Variants in RANBP17 observed in about 807,000 individuals in gnomAD.
RANBP17 encodes the protein ran-binding protein 17.
Under a neutral mutation model 141.2 loss-of-function variants are expected in RANBP17, and 158 were observed. That is an observed-to-expected ratio of 1.12 (90% confidence interval 0.98 to 1.28). The LOEUF is 1.28. Ranked by LOEUF, RANBP17 falls within the 50% of genes most tolerant of loss-of-function variation. The pLI is 0.00. For synonymous variants in RANBP17, 430 were observed against 450.0 expected (o/e 0.96, Z 0.56); for missense variants, 1,438 against 1,290.7 (o/e 1.11, Z -1.75).
chr5:171,088,039 G>C (rs1362686051), intron 14 of RANBP17, among the ~76,000 whole-genome samples: 4 of 151,468 alleles, frequency 2.6e-5, no homozygotes, highest in Non-Finnish European at 4.4e-5. Context: ...CTCGTTAGTT[G>C]ATGCAGTTTC....
At chr5:171,207,311 A>G (rs1287370378) in intron 20 of RANBP17, 1 of 152,240 alleles carries the variant, frequency 6.6e-6, no homozygotes, top group African/African-American at 2.4e-5. Flanking sequence ...CAACAGTTTC[A>G]ACCAAGAGTC....
chr5:171,034,668 A>T (rs541108507), intron 14 of RANBP17, among the ~76,000 whole-genome samples: 1 of 152,366 alleles, frequency 6.6e-6, no homozygotes, highest in East Asian at 1.9e-4. Flanking sequence ...TTAAAAACAG[A>T]TGCAGTGCAA....
At chr5:171,042,374 C>G (rs767829880) in intron 14 of RANBP17, among the ~76,000 whole-genome samples, 5 of 152,018 alleles carry the variant, frequency 3.3e-5, no homozygotes, top group Non-Finnish European at 5.9e-5. Flanking sequence ...TTTTTCAACT[C>G]CATGTAATCC....
intron 14 of RANBP17, among the ~76,000 whole-genome samples, chr5:171,000,181 T>G (rs1779105038): frequency 6.6e-6 from 1 of 152,204 alleles, no homozygotes; most frequent in South Asian, 2.1e-4. Context: ...TTAGCTATCA[T>G]GAATAATGCT....
In RANBP17 at chr5:171,084,520, C is replaced by T. The variant is rs1328333668; in HGVS notation, c.1711-85610C>T. 8.3e-5 allele frequency among the ~76,000 whole-genome samples: 5 copies of T among 60,102 alleles called. 2 individuals are homozygous for T. The highest frequency in any genetic ancestry group is 2.5e-4 in the African/African-American group (5 of 19,626). 39.4% of individuals were successfully genotyped at this position (60,102 alleles called of 152,430 possible). On this transcript the variant is annotated intron_variant, in intron 14 of 27. Transcript: ENST00000523189. ...TCAAATGATATTTCTAGTTCTAGAT[C>T]CCTGAGGAATCGCCACACTGACTTG...
rs140270351 is a variant in RANBP17, at chr5:171,178,049, C to G, written c.1866-5118C>G. Among the ~76,000 whole-genome samples the G allele has an allele frequency of 7.6e-3, 1,121 of 147,620 alleles. 11 individuals are homozygous for G. Among genetic ancestry groups the G allele is most frequent in the African/African-American group, 0.026 (1,060 of 40,004 alleles). ...TTTTTTTTTTGTTATACTTTAAGTT[C>G]TGGGATACATGTGCAGAATATGGAG... is the stretch of plus-strand genomic sequence containing the variant. On this transcript the variant is annotated intron_variant, in intron 16 of 27. Transcript: ENST00000523189.
intron 12 of RANBP17, among the ~76,000 whole-genome samples, chr5:170,951,603 A>G (rs967911952): frequency 6.6e-6 from 1 of 152,108 alleles, no homozygotes; most frequent in Non-Finnish European, 1.5e-5. Flanking sequence ...TGGGGGTAGG[A>G]TGCAGAATGA....
chr5:171,296,075 A>T, intron 27 of RANBP17, 61 bp downstream of exon 27: 1 of 1,553,880 alleles, frequency 6.4e-7, no homozygotes, highest in East Asian at 2.3e-5. Context: ...TGTTGAAAAT[A>T]ACTCTCTCGT....
intron 19 of RANBP17, among the ~76,000 whole-genome samples, chr5:171,204,863 A>T (rs1762482809): frequency 6.6e-6 from 1 of 152,210 alleles, no homozygotes; most frequent in Admixed American, 6.5e-5. Flanking sequence ...GAAATGCATT[A>T]TTAGCCCCTT....
intron 14 of RANBP17, among the ~76,000 whole-genome samples, chr5:171,075,617 G>A (rs373698996): frequency 1.3e-5 from 2 of 152,232 alleles, no homozygotes; most frequent in East Asian, 1.9e-4. Flanking sequence ...ATTGATTGTG[G>A]TGACAGTTGC....
chr5:171,062,652 C>T (rs1783975657), intron 14 of RANBP17, among the ~76,000 whole-genome samples: 1 of 152,104 alleles, frequency 6.6e-6, no homozygotes, highest in Admixed American at 6.6e-5. Context: ...AGTTGCTCTT[C>T]TCGAGGGGTA....
rs70982310 is a variant in RANBP17, at chr5:170,869,323, C to CTTT, written c.18+7288_18+7290dup. Among the ~76,000 whole-genome samples the CTTT allele has an allele frequency of 1.8e-4, 22 of 125,462 alleles. 1 individual carries two copies. The highest frequency in any genetic ancestry group is 2.5e-4 in the South Asian group (1 of 3,980). The allele number at this position is 125,462 out of a possible 152,430, so 82.3% of individuals were successfully genotyped here. A position where few individuals can be genotyped will look rare whatever the true frequency, so the allele number is the denominator to read the frequency against. ...TATTACTTTTCTAGGGCTCACAACACTTTTTTTTTTTTTTTTTTGAGTTGG... is the reference window on the plus strand; with the variant it reads ...TATTACTTTTCTAGGGCTCACAACACTTTTTTTTTTTTTTTTTTTTTGAGTTGG... On this transcript the variant is annotated intron_variant, in intron 1 of 27. Coordinates refer to ENST00000523189, the MANE Select transcript of RANBP17 (RefSeq NM_022897.5).
chr5:171,222,218 T>C (rs1763609199), intron 22 of RANBP17, among the ~76,000 whole-genome samples: 1 of 152,230 alleles, frequency 6.6e-6, no homozygotes, highest in East Asian at 1.9e-4. Context: ...TGGGAAAATA[T>C]CCTTGTAAAG....
chr5:170,904,727 T>C (rs1421962660), intron 5 of RANBP17, among the ~76,000 whole-genome samples: 1 of 152,194 alleles, frequency 6.6e-6, no homozygotes, highest in Non-Finnish European at 1.5e-5. Context: ...TTCAGTATTA[T>C]GTTGTATTTA....
intron 14 of RANBP17, among the ~76,000 whole-genome samples, chr5:171,006,858 G>C (rs1414753062): frequency 6.6e-6 from 1 of 152,014 alleles, no homozygotes; most frequent in Admixed American, 6.6e-5. Flanking sequence ...TCGTCTTTAC[G>C]TTGGGTATTT....
rs951443593 is a variant in RANBP17, at chr5:171,082,381, A to C, written c.1711-87749A>C. 2.6e-5 allele frequency among the ~76,000 whole-genome samples: 4 copies of C among 152,178 alleles called. No individual in the cohort carries two copies. In the South Asian group the frequency reaches 6.2e-4, roughly 24 times the overall value. ...TATTTGATAAAAGAGCCAGTTGATC[A>C]GTTCGAATAGGTAATTAACTGCTAA... On this transcript the variant is annotated intron_variant, in intron 14 of 27. Transcript: ENST00000523189.
chr5:170,928,602 A>G (rs766616103), intron 12 of RANBP17, among the ~76,000 whole-genome samples: 2 of 152,046 alleles, frequency 1.3e-5, no homozygotes, highest in South Asian at 2.1e-4. Flanking sequence ...TTGAATCACT[A>G]TGACACCTTG....
chr5:171,123,750 G>A (rs756927287), intron 14 of RANBP17, among the ~76,000 whole-genome samples: 1 of 152,196 alleles, frequency 6.6e-6, no homozygotes, highest in Non-Finnish European at 1.5e-5. Flanking sequence ...CTAAACCATG[G>A]AGGAACTTAC....
chr5:171,183,479 T>C (rs1434516898), intron 18 of RANBP17, 49 bp downstream of exon 18: 1 of 1,265,386 alleles, frequency 7.9e-7, no homozygotes, highest in Admixed American at 1.7e-5. Context: ...GCAATACACT[T>C]GTGTGAATAA....
Sources: allele counts gnomAD v4.1 joint callset (sites outside exome capture counted in the v4.1 genomes callset), GRCh38; gene constraint gnomAD v4.1.1; transcripts MANE v1.5; gene names NCBI Gene and HGNC (gene_info 2026-07-23, HGNC 2026-07-21).